The following DMD variants were observed in gnomAD, a reference collection of about 807,000 sequenced individuals.
DMD encodes mutant dystrophin.
DMD carries 63 observed loss-of-function variants against 330.1 expected under a neutral mutation model. The observed-to-expected ratio is 0.19, with a 90% CI of 0.16 to 0.24. The LOEUF is 0.24. Among genes scored for constraint, DMD ranks in the 10% least tolerant of loss-of-function variants. DMD has a pLI of 1.00. For missense variants in DMD, 3,344 were observed against 2,684.1 expected, an observed-to-expected ratio of 1.25 and a Z score of -5.43; for synonymous variants, 1,223 against 959.8, an observed-to-expected ratio of 1.27 and a Z score of -5.07.
rs572215023 is a variant in DMD at position 31,185,690 on chromosome X, T to C, written c.9808-2786A>G. On this transcript the variant is annotated intron_variant, in intron 67 of 78. Coordinates refer to ENST00000357033, the MANE Select transcript of DMD (RefSeq NM_004006.3). ...TGATGTTATCGTAGGTCTGCTTCTATGGTTTGCTATTTCTTCTGGTTCTCA... is the reference window on the plus strand; with the variant it reads ...TGATGTTATCGTAGGTCTGCTTCTACGGTTTGCTATTTCTTCTGGTTCTCA... 8.9e-5 allele frequency among the ~76,000 whole-genome samples: 10 copies of C among 111,830 alleles called. No individual in the cohort carries two copies. The South Asian group carries it at 3.3e-3, about 37-fold the overall frequency.
rs2083494088 is a variant in DMD, at chrX:31,697,155, AT to A, written c.7661-17570del. On this transcript the variant is annotated intron_variant, in intron 52 of 78. Coordinates refer to ENST00000357033, the MANE Select transcript of DMD (RefSeq NM_004006.3). ...ACTGAGCATCAATTTATACTACAGA[AT>A]TTTACCACACTTGCGACACTTCACC... 5.4e-5 allele frequency among the ~76,000 whole-genome samples: 6 copies of A among 111,682 alleles called. 1 individual carries two copies. In the South Asian group the frequency reaches 2.2e-3, roughly 42 times the overall value.
intron 9 of DMD, among the ~76,000 whole-genome samples, chrX:32,677,371 C>T (rs1250889023): frequency 2.7e-5 from 3 of 111,375 alleles, no homozygotes; most frequent in Non-Finnish European, 5.7e-5. Flanking sequence ...ACAGTATATT[C>T]ACATGTGCAT....
chrX:31,225,992 A>G (rs145495008), intron 63 of DMD, among the ~76,000 whole-genome samples: 1 of 112,351 alleles, frequency 8.9e-6, no homozygotes, highest in East Asian at 2.8e-4. Flanking sequence ...GAGGTAGTTA[A>G]GAGGGCAGTC....
intron 29 of DMD, among the ~76,000 whole-genome samples, chrX:32,428,451 T>C (rs780187578): frequency 8.9e-6 from 1 of 111,914 alleles, no homozygotes; most frequent in African/African-American, 3.2e-5. Context: ...ATCCACCTTA[T>C]CAACTGTTAA....
chrX:32,606,757 A>G (rs981191736), intron 12 of DMD, among the ~76,000 whole-genome samples: 48 of 106,685 alleles, frequency 4.5e-4, no homozygotes, highest in Admixed American at 1.4e-3. Context: ...ACACACATAC[A>G]TATATATACA....
At chrX:31,932,004 A>ATGAT (rs1290326851) in intron 46 of DMD, 76 bp downstream of exon 46, 33 of 1,110,802 alleles carry the variant, frequency 3.0e-5, no homozygotes, top group Non-Finnish European at 3.8e-5. Flanking sequence ...CAGAAAACCA[A>ATGAT]TGATTGAATT....
chrX:31,287,448 C>G (rs956900214), intron 62 of DMD, among the ~76,000 whole-genome samples: 1 of 112,375 alleles, frequency 8.9e-6, no homozygotes, highest in African/African-American at 3.2e-5. Context: ...AAAAGTAGCA[C>G]GCGTTAGCAC....
rs185133402 is a variant in DMD at position 32,531,108 on chromosome X, C to T, written c.2169-12977G>A. On this transcript the variant is annotated intron_variant, in intron 17 of 78. Transcript: ENST00000357033. Reference sequence around the variant, plus strand: ...AAATGAAATTTTCATGGAAGTTTTACTTACACAGAAATATAAAATGTCCAA... The same window carrying T: ...AAATGAAATTTTCATGGAAGTTTTATTTACACAGAAATATAAAATGTCCAA... 6.9e-3 allele frequency among the ~76,000 whole-genome samples: 762 copies of T among 111,130 alleles called. 4 individuals carry two copies. The highest frequency in any genetic ancestry group is 0.042 in the Middle Eastern group (9 of 215).
chrX:31,659,789 T>C (rs1411799307), intron 53 of DMD, among the ~76,000 whole-genome samples: 2 of 110,957 alleles, frequency 1.8e-5, no homozygotes, highest in Non-Finnish European at 3.8e-5. Context: ...TTTTCTTGTG[T>C]AAAAAACAGA....
At position 31,228,264 on chromosome X, in the gene DMD, A is replaced by G. The variant is rs1409973223; in HGVS notation, c.9287-5143T>C. On this transcript the variant is annotated intron_variant, in intron 63 of 78. Coordinates refer to ENST00000357033, the MANE Select transcript of DMD (RefSeq NM_004006.3). ...TAAAACTTAAAGTATAATAAAAAAA[A>G]AATAAAAAAATAAAAAAAAAAAAAA... Among the ~76,000 whole-genome samples the G allele has an allele frequency of 1.2e-4, 8 of 65,583 alleles. No homozygotes were observed. The East Asian group carries it at 2.7e-3, about 22-fold the overall frequency. The allele number at this position is 65,583 out of a possible 115,157, so 57.0% of individuals were successfully genotyped here.
intron 21 of DMD, among the ~76,000 whole-genome samples, chrX:32,474,563 A>T (rs2041024982): frequency 8.9e-6 from 1 of 111,770 alleles, no homozygotes. Context: ...TTCTTGCAAG[A>T]GTAAGGTGGT....
At chrX:31,414,484 A>G (rs762407647) in intron 60 of DMD, among the ~76,000 whole-genome samples, 5 of 112,232 alleles carry the variant, frequency 4.5e-5, no homozygotes, top group Admixed American at 9.5e-5. Flanking sequence ...TTTTCCTCAA[A>G]GAGTAAGGGT....
chrX:32,668,046 G>A (rs1281415250), intron 9 of DMD, among the ~76,000 whole-genome samples: 1 of 110,803 alleles, frequency 9.0e-6, no homozygotes, highest in Non-Finnish European at 1.9e-5. Flanking sequence ...CTACTAGTGA[G>A]GCTAAGGCAG....
At chrX:31,734,114 G>A (rs924706453) in intron 51 of DMD, among the ~76,000 whole-genome samples, 1 of 110,115 alleles carries the variant, frequency 9.1e-6, no homozygotes, top group Non-Finnish European at 1.9e-5. Context: ...ACCCTTGCCC[G>A]GATTCACCAT....
intron 7 of DMD, among the ~76,000 whole-genome samples, chrX:32,715,728 G>C (rs373230087): frequency 2.7e-5 from 3 of 110,550 alleles, no homozygotes; most frequent in African/African-American, 9.9e-5. Context: ...TTGAACCGGG[G>C]AGGTGGAGGT....
intron 2 of DMD, among the ~76,000 whole-genome samples, chrX:32,985,447 T>A (rs2092818925): frequency 8.9e-6 from 1 of 111,844 alleles, no homozygotes; most frequent in South Asian, 3.7e-4. Flanking sequence ...GTTAAGAGTT[T>A]GGGATTATTT....
At chrX:32,360,792 C>T (rs952421330) in intron 37 of DMD, among the ~76,000 whole-genome samples, 11 of 58,154 alleles carry the variant, frequency 1.9e-4, no homozygotes, top group Middle Eastern at 0.015. Flanking sequence ...ACCACACACA[C>T]ACACACAAAA....
At chrX:32,030,323 A>C (rs2147240421) in intron 44 of DMD, among the ~76,000 whole-genome samples, 1 of 112,096 alleles carries the variant, frequency 8.9e-6, no homozygotes, top group South Asian at 3.7e-4. Flanking sequence ...GCTCCCAGAC[A>C]AACTTATTCA....
At chrX:33,152,479 T>G (rs1295063320) in intron 1 of DMD, among the ~76,000 whole-genome samples, 1 of 111,042 alleles carries the variant, frequency 9.0e-6, no homozygotes. Context: ...TGGCCAGCTT[T>G]CCTATTTTTC....
Sources: allele counts gnomAD v4.1 joint callset (sites outside exome capture counted in the v4.1 genomes callset), GRCh38; gene constraint gnomAD v4.1.1; transcripts MANE v1.5; gene names NCBI Gene and HGNC (gene_info 2026-07-23, HGNC 2026-07-21).